INVS: variants seen among roughly 807,000 people sequenced by gnomAD.
INVS encodes inversin.
A neutral mutation model predicts 108.8 loss-of-function variants in INVS; 86 were observed. The observed-to-expected ratio is 0.79, with a 90% confidence interval of 0.66 to 0.95. The LOEUF is 0.95. INVS is among the 40% of genes least tolerant of loss of function. INVS has a pLI of 0.00. For missense variants in INVS, 1,169 were observed against 1,297.4 expected (o/e 0.90, Z 1.52); for synonymous variants, 455 against 473.5 (o/e 0.96, Z 0.51).
intron 3 of INVS, among the ~76,000 whole-genome samples, chr9:100,144,148 G>A (rs946047516): frequency 4.6e-5 from 7 of 152,112 alleles, no homozygotes; most frequent in Non-Finnish European, 8.8e-5. Flanking sequence ...CAGATGTCCG[G>A]CACTTGTAGC....
At position 100,226,144 on chromosome 9, in the gene INVS, A is replaced by T; in HGVS notation, c.356A>T (p.His119Leu). The change falls in exon 4 of 17, where the codon CAC (histidine) becomes CTC (leucine). Residue 119 changes from histidine to leucine, a missense_variant. By Grantham distance (99) the His-to-Leu change is moderately conservative (BLOSUM62 -3). Coordinates refer to ENST00000262457, the MANE Select transcript of INVS (RefSeq NM_014425.5). ...GATCTGGAAGAGATGACTCCTTTGCACTTGACCACCCGGCACAGGAGCCCT... is the reference window on the plus strand; with the variant it reads ...GATCTGGAAGAGATGACTCCTTTGCTCTTGACCACCCGGCACAGGAGCCCT... ...QKDLEEMTPL[H>L]LTTRHRSPKC... 6.2e-7 allele frequency: 1 copy of T among 1,614,028 alleles called. No homozygotes were observed. Among genetic ancestry groups the T allele is most frequent in the Non-Finnish European group, 8.5e-7 (1 of 1,179,938 alleles).
chr9:100,239,209 T>C (rs543454138), intron 5 of INVS, among the ~76,000 whole-genome samples: 7 of 152,286 alleles, frequency 4.6e-5, no homozygotes, highest in African/African-American at 1.7e-4. Flanking sequence ...GCATTGTCTG[T>C]AATAGTGAAA....
chr9:100,234,645 G>A (rs1831621412), intron 5 of INVS, among the ~76,000 whole-genome samples: 1 of 152,110 alleles, frequency 6.6e-6, no homozygotes, highest in Non-Finnish European at 1.5e-5. Flanking sequence ...TCAGGAGCAG[G>A]TTGTTCAGTT....
chr9:100,245,672 G>A (rs1832023963), intron 7 of INVS, among the ~76,000 whole-genome samples: 1 of 152,186 alleles, frequency 6.6e-6, no homozygotes, highest in Non-Finnish European at 1.5e-5. Context: ...ATTCAGCACT[G>A]CATTTCTCAG....
At chr9:100,247,712 C>CA (rs1237020771) in intron 8 of INVS, among the ~76,000 whole-genome samples, 13 of 150,442 alleles carry the variant, frequency 8.6e-5, no homozygotes, top group African/African-American at 1.2e-4. Context: ...ACCACAGCCT[C>CA]AAAAAAAAAT....
intron 3 of INVS, among the ~76,000 whole-genome samples, chr9:100,139,196 A>G (rs967124477): frequency 2.0e-5 from 3 of 152,096 alleles, no homozygotes. Context: ...CTCTTTTCTC[A>G]GTTCTCGTAC....
At chr9:100,258,499 A>T (rs1014899344) in intron 10 of INVS, among the ~76,000 whole-genome samples, 39 of 152,026 alleles carry the variant, frequency 2.6e-4, no homozygotes, top group African/African-American at 8.2e-4. Context: ...TGATTTTTAG[A>T]ATTTTCAGCT....
At chr9:100,227,107 A>G (rs189160732) in intron 4 of INVS, among the ~76,000 whole-genome samples, 1 of 152,368 alleles carries the variant, frequency 6.6e-6, no homozygotes, top group East Asian at 1.9e-4. Context: ...TAGGTTCAGC[A>G]TAGTATTACA....
At chr9:100,297,500 A>G (rs962272166) in intron 15 of INVS, among the ~76,000 whole-genome samples, 3 of 152,158 alleles carry the variant, frequency 2.0e-5, no homozygotes, top group African/African-American at 7.2e-5. Context: ...TTCACGACTT[A>G]GCTAGACTCT....
rs200314659 is a variant in INVS at position 100,301,139 on chromosome 9, T to TCTCACACACACACACACA, written c.*466_*467insTCACACACACACACACAC. 1.3e-3 allele frequency: 223 copies of TCTCACACACACACACACA among 167,886 alleles called. 1 individual carries two copies. Among genetic ancestry groups the TCTCACACACACACACACA allele is most frequent in the African/African-American group, 7.3e-3 (202 of 27,720 alleles). 10.4% of individuals were successfully genotyped at this position (167,886 alleles called of 1,614,324 possible). A position where few individuals can be genotyped will look rare whatever the true frequency, so the allele number is the denominator to read the frequency against. On this transcript the variant is annotated 3_prime_UTR_variant, in exon 17 of 17. Transcript: ENST00000262457. ...CCTGGCATCTAATGCAACAAACTTA[T>TCTCACACACACACACACA]CACACACACACACACACACACACAC...
chr9:100,277,977 A>G (rs1461319529), intron 12 of INVS, among the ~76,000 whole-genome samples: 1 of 152,092 alleles, frequency 6.6e-6, no homozygotes, highest in Non-Finnish European at 1.5e-5. Context: ...GCCTATAATC[A>G]CAGCACTTTA....
chr9:100,287,322 G>A (rs1216943564), intron 13 of INVS, among the ~76,000 whole-genome samples: 1 of 152,160 alleles, frequency 6.6e-6, no homozygotes, highest in Non-Finnish European at 1.5e-5. Context: ...TCTAGAATTT[G>A]CACACATTAT....
In INVS at chr9:100,284,371, G is replaced by A. The variant is rs1442102915; in HGVS notation, c.1836G>A (p.Arg612=). ...KRKEAEQQKG[R]RSPDSCRPQA... is the part of the protein sequence containing the mutation. ...AAGAGGCAGAACAGCAAAAAGGAAG[G>A]CGGAGCCCAGATTCCTGCAGACCCC... The change falls in exon 13 of 17, where the codon AGG becomes AGA. Residue 612 remains arginine (R), a synonymous_variant. Transcript: ENST00000262457. 6.2e-7 allele frequency: 1 copy of A among 1,613,718 alleles called. No homozygotes were observed. Among genetic ancestry groups the A allele is most frequent in the African/African-American group, 1.3e-5 (1 of 75,054 alleles).
intron 4 of INVS, among the ~76,000 whole-genome samples, chr9:100,227,777 C>T (rs1371661374): frequency 2.6e-5 from 4 of 151,684 alleles, no homozygotes; most frequent in Non-Finnish European, 4.4e-5. Context: ...ACAAAAATTA[C>T]TTCTTCAAAG....
intron 3 of INVS, among the ~76,000 whole-genome samples, chr9:100,187,429 A>G (rs1830085344): frequency 6.6e-6 from 1 of 151,400 alleles, no homozygotes; most frequent in Non-Finnish European, 1.5e-5. Context: ...TTGAATCTGT[A>G]GATTGCTTTG....
intron 11 of INVS, among the ~76,000 whole-genome samples, chr9:100,271,365 A>G (rs1832949015): frequency 6.6e-6 from 1 of 152,188 alleles, no homozygotes; most frequent in African/African-American, 2.4e-5. Flanking sequence ...CATTATATGG[A>G]TGGCCTGTGC....
chr9:100,150,886 A>G (rs184976743), intron 3 of INVS, among the ~76,000 whole-genome samples: 29 of 152,300 alleles, frequency 1.9e-4, no homozygotes, highest in African/African-American at 6.5e-4. Flanking sequence ...GTGACAACAG[A>G]TGATAACTAA....
intron 13 of INVS, among the ~76,000 whole-genome samples, chr9:100,286,221 C>T (rs1833436618): frequency 6.6e-6 from 1 of 152,156 alleles, no homozygotes; most frequent in African/African-American, 2.4e-5. Context: ...TTGAGCCACT[C>T]ATTAATCTAG....
intron 2 of INVS, among the ~76,000 whole-genome samples, chr9:100,110,908 C>A (rs185539987): frequency 6.6e-6 from 1 of 152,280 alleles, no homozygotes; most frequent in African/African-American, 2.4e-5. Context: ...CAGTATGTCT[C>A]ATGTTATTAT....
Sources: gnomAD v4.1 joint callset for allele counts (sites outside exome capture counted in the v4.1 genomes callset) on GRCh38, gnomAD v4.1.1 for gene constraint, MANE v1.5 for transcripts, NCBI Gene and HGNC (gene_info 2026-07-23, HGNC 2026-07-21) for gene names.